The following RSBN1 variants were observed in gnomAD, a reference collection of about 807,000 sequenced individuals.
RSBN1 encodes lysine-specific demethylase 9.
Under a neutral mutation model 74.8 loss-of-function variants are expected in RSBN1, and 23 were observed. That is an observed-to-expected ratio of 0.31 (90% CI 0.22 to 0.44). The LOEUF is 0.44. Ranked by LOEUF, RSBN1 falls within the 20% of genes least tolerant of loss-of-function variation. The pLI, the probability that RSBN1 is intolerant of heterozygous loss-of-function variation, is 1.00. For synonymous variants in RSBN1, 407 were observed against 379.6 expected (o/e 1.07, Z -0.84); for missense variants, 808 against 1,020.9 (o/e 0.79, Z 2.84).
In RSBN1 at chr1:113,765,973, G is replaced by T; in HGVS notation, c.*7C>A. 1.2e-6 allele frequency: 2 copies of T among 1,602,264 alleles called. No homozygotes were observed. Among genetic ancestry groups the T allele is most frequent in the Non-Finnish European group, 1.7e-6 (2 of 1,170,126 alleles). On this transcript the variant is annotated 3_prime_UTR_variant, in exon 7 of 7. Transcript: ENST00000261441. ...AAAGTTAAAAAATGTGTTTGAATATGTACATATCACACAGAAGTGGTTGAA... is the reference window on the plus strand; with the variant it reads ...AAAGTTAAAAAATGTGTTTGAATATTTACATATCACACAGAAGTGGTTGAA...
rs144541360 is a variant in RSBN1 at position 113,792,864 on chromosome 1, T to TTA, written c.1377+4497_1377+4498dup. 5.0e-3 allele frequency among the ~76,000 whole-genome samples: 766 copies of TTA among 152,110 alleles called. 4 individuals are homozygous for TTA. The highest frequency in any genetic ancestry group is 0.018 in the African/African-American group (740 of 41,518). On this transcript the variant is annotated intron_variant, in intron 2 of 6. Transcript: ENST00000261441. ...AGGGAGGAAGGAAGGAAACTCAACT[T>TTA]TATAAAGTTATCCTGTATCAACTGC...
Position 113,762,829 on chromosome 1 carries a change from G to A in RSBN1, c.*3151C>T, listed in dbSNP as rs1659705243. 1 of 152,650 alleles carries A rather than the reference G, an allele frequency of 6.6e-6. No homozygotes were observed. The highest frequency in any genetic ancestry group is 1.5e-5 in the Non-Finnish European group (1 of 68,010). 9.5% of individuals were successfully genotyped at this position (152,650 alleles called of 1,614,324 possible). A position where few individuals can be genotyped will look rare whatever the true frequency, so the allele number is the denominator to read the frequency against. Reference sequence around the variant, plus strand: ...GCAAGACATCTTTTCCTAAAGTTTAGTAAACAACTTTAATAAGCTCCTTTT... The same window carrying A: ...GCAAGACATCTTTTCCTAAAGTTTAATAAACAACTTTAATAAGCTCCTTTT... On this transcript the variant is annotated 3_prime_UTR_variant, in exon 7 of 7. Transcript: ENST00000261441.
intron 2 of RSBN1, among the ~76,000 whole-genome samples, chr1:113,795,561 C>T (rs775167428): frequency 3.3e-5 from 5 of 152,112 alleles, no homozygotes; most frequent in Admixed American, 1.3e-4. Flanking sequence ...GTTCCAGGAC[C>T]ACCAGAGCAC....
Position 113,777,089 on chromosome 1 carries a change from C to T in RSBN1, c.1658+121G>A, listed in dbSNP as rs1245548817. The T allele has an allele frequency of 2.3e-5, 19 of 821,786 alleles. No individual in the cohort carries two copies. The South Asian group carries it at 2.4e-4, about 11-fold the overall frequency. 50.9% of individuals were successfully genotyped at this position (821,786 alleles called of 1,614,324 possible). ...TGATGATTGGACTGAAAAGAGGAAC[C>T]GACAACTAAAACATTTACTTAAGGG... On this transcript the variant is annotated intron_variant, in intron 4 of 6. Coordinates refer to ENST00000261441, the MANE Select transcript of RSBN1 (RefSeq NM_018364.5).
chr1:113,766,138 G>C lies in RSBN1; in HGVS notation c.2251C>G (p.Gln751Glu), dbSNP rs1465025850. The change falls in exon 7 of 7, where the codon CAG becomes GAG. Residue 751 changes from glutamine (Q) to glutamate (E), a missense_variant. Coordinates refer to ENST00000261441, the MANE Select transcript of RSBN1 (RefSeq NM_018364.5). ...TESEEACTEI[Q>E]LLTTASSSFP... Reference sequence around the variant, plus strand: ...GATGATGAAGCAGTTGTTAACAGCTGAATCTCTGTGCATGCTTCTTCAGAT... The same window carrying C: ...GATGATGAAGCAGTTGTTAACAGCTCAATCTCTGTGCATGCTTCTTCAGAT... 17 of 1,613,938 alleles carry C rather than the reference G, an allele frequency of 1.1e-5. No individual in the cohort carries two copies. Among genetic ancestry groups the C allele is most frequent in the Non-Finnish European group, 1.4e-5 (16 of 1,179,980 alleles).
rs560612071 is a variant in RSBN1, at chr1:113,771,664, T to A, written c.1659-3275A>T. ...AGCCATAGTCAAACAGATGAGAAAG[T>A]CAGCGTGGTTCTGGAAGAAAGTAAT... On this transcript the variant is annotated intron_variant, in intron 4 of 6. Coordinates refer to ENST00000261441, the MANE Select transcript of RSBN1 (RefSeq NM_018364.5). 2.0e-5 allele frequency among the ~76,000 whole-genome samples: 3 copies of A among 150,044 alleles called. No individual in the cohort carries two copies. In the South Asian group the frequency reaches 6.3e-4, roughly 31 times the overall value.
intron 2 of RSBN1, among the ~76,000 whole-genome samples, chr1:113,784,519 T>C (rs1660199531): frequency 6.6e-6 from 1 of 152,080 alleles, no homozygotes; most frequent in African/African-American, 2.4e-5. Flanking sequence ...GCAGGCATGG[T>C]TCTGGATGAA....
chr1:113,784,013 T>TA (rs1353280599), intron 2 of RSBN1, among the ~76,000 whole-genome samples: 1 of 152,140 alleles, frequency 6.6e-6, no homozygotes, highest in Non-Finnish European at 1.5e-5. Flanking sequence ...CGATCTGGCC[T>TA]AAAAAATATC....
At chr1:113,775,161 A>G (rs1490089605) in intron 4 of RSBN1, among the ~76,000 whole-genome samples, 1 of 151,728 alleles carries the variant, frequency 6.6e-6, no homozygotes, top group Non-Finnish European at 1.5e-5. Context: ...AGTAGCTGGG[A>G]TAACAGGCGG....
chr1:113,768,488 AC>A, intron 4 of RSBN1, 99 bp from the exon 5 acceptor site: 1 of 797,046 alleles, frequency 1.3e-6, no homozygotes, highest in Non-Finnish European at 2.0e-6. Flanking sequence ...CTGCTAAAAT[AC>A]CAGATTTAAA....
chr1:113,784,621 C>T (rs1488382680), intron 2 of RSBN1, among the ~76,000 whole-genome samples: 1 of 152,156 alleles, frequency 6.6e-6, no homozygotes, highest in African/African-American at 2.4e-5. Flanking sequence ...CAACAGAGTT[C>T]ACACTCCTAT....
intron 4 of RSBN1, among the ~76,000 whole-genome samples, chr1:113,771,930 T>C (rs1008621465): frequency 6.6e-6 from 1 of 151,956 alleles, no homozygotes; most frequent in Non-Finnish European, 1.5e-5. Flanking sequence ...AAGACTTTTT[T>C]TTAAAAGAAG....
chr1:113,785,457 C>T (rs1660222310), intron 2 of RSBN1, among the ~76,000 whole-genome samples: 1 of 152,132 alleles, frequency 6.6e-6, no homozygotes, highest in African/African-American at 2.4e-5. Flanking sequence ...CCATTATAAT[C>T]TTATGGAGTC....
At chr1:113,808,609 A>G (rs917815142) in intron 1 of RSBN1, among the ~76,000 whole-genome samples, 6 of 152,242 alleles carry the variant, frequency 3.9e-5, no homozygotes, top group African/African-American at 1.4e-4. Context: ...GGAATGATTC[A>G]ATAGGTGAAC....
Position 113,811,772 on chromosome 1 carries a change from T to C in RSBN1, c.641A>G (p.Lys214Arg), listed in dbSNP as rs1660856406. ...PSSCGTDLKH[K>R]DKQENGERTG... The stretch of plus-strand genomic sequence containing the variant: ...CCTCTCGCCGTTTTCCTGCTTGTCC[T>C]TGTGCTTGAGATCGGTTCCGCAGGA... Residue 214 changes from lysine (K) to arginine (R), a missense_variant, in exon 1 of 7, where the codon AAG (lysine) becomes AGG (arginine). Around this residue, in one of 6 missense-constraint regions of RSBN1, gnomAD observed 464 missense variants for 401.0 expected, o/e 1.16. Transcript: ENST00000261441. 2 of 1,613,544 alleles carry C rather than the reference T, an allele frequency of 1.2e-6. No homozygotes were observed. Among genetic ancestry groups the C allele is most frequent in the African/African-American group, 2.7e-5 (2 of 74,850 alleles).
At chr1:113,785,136 A>G (rs373433342) in intron 2 of RSBN1, among the ~76,000 whole-genome samples, 4 of 142,732 alleles carry the variant, frequency 2.8e-5, no homozygotes, top group Non-Finnish European at 1.5e-5. Context: ...TTTTTTTTTT[A>G]CTTTTTTTAA....
intron 1 of RSBN1, among the ~76,000 whole-genome samples, chr1:113,801,043 G>C (rs1339425783): frequency 6.6e-6 from 1 of 151,052 alleles, no homozygotes; most frequent in Non-Finnish European, 1.5e-5. Context: ...GCAGTGGCGT[G>C]ATCTCTGCTC....
At chr1:113,785,543 C>G (rs973778330) in intron 2 of RSBN1, among the ~76,000 whole-genome samples, 2 of 152,170 alleles carry the variant, frequency 1.3e-5, no homozygotes, top group East Asian at 3.8e-4. Context: ...TGCCACTGTA[C>G]TCAACACAGG....
At chr1:113,807,220 A>G (rs1296741022) in intron 1 of RSBN1, among the ~76,000 whole-genome samples, 3 of 151,276 alleles carry the variant, frequency 2.0e-5, no homozygotes, top group Non-Finnish European at 4.4e-5. Flanking sequence ...AGGCTGACAT[A>G]GGAGAATCGC....
Sources: allele counts gnomAD v4.1 joint callset (sites outside exome capture counted in the v4.1 genomes callset), GRCh38; gene constraint gnomAD v4.1.1; regional missense constraint gnomAD v4.1.1; transcripts MANE v1.5; gene names NCBI Gene and HGNC (gene_info 2026-07-23, HGNC 2026-07-21).